Variants in KCNN2 observed in about 807,000 individuals in gnomAD.
KCNN2 encodes the protein potassium calcium-activated channel subfamily N member 2, also known as small conductance calcium-activated potassium channel protein 2.
Under a neutral mutation model 55.5 loss-of-function variants are expected in KCNN2, and 24 were observed. That is an observed-to-expected ratio of 0.43 (90% CI 0.31 to 0.61). KCNN2 has a LOEUF of 0.61. KCNN2 is among the 20% of genes least tolerant of loss of function. The pLI is 0.08. For synonymous variants in KCNN2, 431 were observed against 336.1 expected, an observed-to-expected ratio of 1.28 and a Z score of -3.09; for missense variants, 754 against 853.6, an observed-to-expected ratio of 0.88 and a Z score of 1.45.
chr5:114,343,004 A>G (rs1255078975), intron 2 of KCNN2, among the ~76,000 whole-genome samples: 2 of 152,078 alleles, frequency 1.3e-5, no homozygotes. Context: ...TCCTCTCCTG[A>G]TATGTTTTTT....
chr5:114,262,355 A>G (rs1755125381), intron 2 of KCNN2, among the ~76,000 whole-genome samples: 1 of 152,218 alleles, frequency 6.6e-6, no homozygotes, highest in Non-Finnish European at 1.5e-5. Context: ...CCAGCAACTT[A>G]GCAAATTAAT....
intron 1 of KCNN2, among the ~76,000 whole-genome samples, chr5:114,087,051 T>A (rs1751031651): frequency 6.6e-6 from 1 of 152,154 alleles, no homozygotes; most frequent in Admixed American, 6.6e-5. Context: ...GGAGCGTTTT[T>A]TCATTTTTGT....
intron 5 of KCNN2, among the ~76,000 whole-genome samples, chr5:114,484,325 A>G (rs1762358327): frequency 6.6e-6 from 1 of 152,136 alleles, no homozygotes; most frequent in African/African-American, 2.4e-5. Flanking sequence ...CCCTCCAAAG[A>G]TGGGAGGGAG....
chr5:114,421,679 G>A (rs1269403910), intron 3 of KCNN2, among the ~76,000 whole-genome samples: 2 of 149,710 alleles, frequency 1.3e-5, no homozygotes, highest in South Asian at 2.1e-4. Flanking sequence ...GCATGTTCTC[G>A]GCTCACTGCA....
intron 1 of KCNN2, among the ~76,000 whole-genome samples, chr5:114,186,940 T>TA (rs1230689256): frequency 6.6e-6 from 1 of 152,126 alleles, no homozygotes; most frequent in Non-Finnish European, 1.5e-5. Flanking sequence ...AATACAGAGA[T>TA]AAAAATCACG....
chr5:114,486,097 T>G (rs1263423727), intron 5 of KCNN2, among the ~76,000 whole-genome samples: 1 of 152,202 alleles, frequency 6.6e-6, no homozygotes, highest in African/African-American at 2.4e-5. Context: ...GCTCATTGTT[T>G]TGTCTTCCGC....
rs774826419 is a variant in KCNN2, at chr5:114,496,289, G to T, written c.*107G>T. ...TTCTAATCAGCGTTATCCGGGTTCT[G>T]ATGTCAGAATCCTGGGAACCTGAAC... is the stretch of plus-strand genomic sequence containing the variant. On this transcript the variant is annotated 3_prime_UTR_variant, in exon 8 of 8. Coordinates refer to ENST00000673685, the MANE Select transcript of KCNN2 (RefSeq NM_021614.4). The T allele has an allele frequency of 3.9e-4, 490 of 1,243,348 alleles. No individual in the cohort carries two copies. The highest frequency in any genetic ancestry group is 5.3e-4 in the Non-Finnish European group (481 of 910,538). 77.0% of individuals were successfully genotyped at this position (1,243,348 alleles called of 1,614,324 possible).
At chr5:114,135,773 A>T (rs1045575621) in intron 1 of KCNN2, among the ~76,000 whole-genome samples, 3 of 152,254 alleles carry the variant, frequency 2.0e-5, no homozygotes, top group Non-Finnish European at 2.9e-5. Flanking sequence ...ACACTTTGAA[A>T]TATGGATTAT....
intron 2 of KCNN2, among the ~76,000 whole-genome samples, chr5:114,262,093 T>C (rs1332974082): frequency 1.3e-5 from 2 of 152,206 alleles, no homozygotes; most frequent in African/African-American, 2.4e-5. Flanking sequence ...GAGACTCATG[T>C]GTCAATTTAT....
intron 2 of KCNN2, among the ~76,000 whole-genome samples, chr5:114,316,356 G>A (rs956890056): frequency 6.6e-6 from 1 of 152,140 alleles, no homozygotes; most frequent in Non-Finnish European, 1.5e-5. Flanking sequence ...CCTGGCCCCT[G>A]AGCTTGTAGC....
chr5:114,331,086 G>A (rs1756812826), intron 2 of KCNN2, among the ~76,000 whole-genome samples: 1 of 152,200 alleles, frequency 6.6e-6, no homozygotes, highest in Non-Finnish European at 1.5e-5. Context: ...GAGCCAAGAG[G>A]AAGTCTGACA....
chr5:114,329,084 A>G (rs2071449114), intron 2 of KCNN2, among the ~76,000 whole-genome samples: 1 of 151,968 alleles, frequency 6.6e-6, no homozygotes, highest in South Asian at 2.1e-4. Context: ...TCCTAGATAC[A>G]TGTTCTTTCT....
chr5:114,304,350 A>C (rs899883012), intron 2 of KCNN2, among the ~76,000 whole-genome samples: 3 of 152,184 alleles, frequency 2.0e-5, no homozygotes, highest in Non-Finnish European at 2.9e-5. Context: ...CTTATCATGC[A>C]ACTTCTTTAG....
At chr5:114,173,582 A>T (rs1462812233) in intron 1 of KCNN2, among the ~76,000 whole-genome samples, 1 of 151,734 alleles carries the variant, frequency 6.6e-6, no homozygotes, top group East Asian at 1.9e-4. Flanking sequence ...TACTTTGGGT[A>T]GTAGGAGCAT....
intron 2 of KCNN2, among the ~76,000 whole-genome samples, chr5:114,233,963 A>G (rs1280592507): frequency 6.7e-6 from 1 of 150,022 alleles, no homozygotes; most frequent in African/African-American, 2.4e-5. Flanking sequence ...TCATTCATTT[A>G]CCATTCCTTA....
intron 1 of KCNN2, among the ~76,000 whole-genome samples, chr5:114,145,292 A>G (rs2974477): frequency 0.64 from 97,978 of 152,146 alleles, 32,130 homozygotes; most frequent in African/African-American, 0.74. Context: ...CAACAATGGT[A>G]TAGTGAGAAG....
At chr5:114,334,887 T>C (rs1756893041) in intron 2 of KCNN2, among the ~76,000 whole-genome samples, 1 of 152,178 alleles carries the variant, frequency 6.6e-6, no homozygotes, top group Non-Finnish European at 1.5e-5. Flanking sequence ...GAAATTCATG[T>C]GTTTCAAGGG....
chr5:114,398,205 A>G (rs577424145), intron 2 of KCNN2, among the ~76,000 whole-genome samples: 1 of 152,256 alleles, frequency 6.6e-6, no homozygotes, highest in East Asian at 1.9e-4. Flanking sequence ...TGATTTTTGT[A>G]TATTGTATAA....
At chr5:114,222,834 G>A (rs772878365) in intron 2 of KCNN2, among the ~76,000 whole-genome samples, 23 of 152,170 alleles carry the variant, frequency 1.5e-4, no homozygotes, top group Non-Finnish European at 2.5e-4. Flanking sequence ...TTCTGTGTAT[G>A]CTGTGTTACC....
Sources: gnomAD v4.1 joint callset for allele counts (sites outside exome capture counted in the v4.1 genomes callset) on GRCh38, gnomAD v4.1.1 for gene constraint, MANE v1.5 for transcripts, NCBI Gene and HGNC (gene_info 2026-07-23, HGNC 2026-07-21) for gene names.